Variants in OSBPL1A observed in about 807,000 individuals in gnomAD.
The protein encoded by OSBPL1A is oxysterol-binding protein-related protein 1.
In OSBPL1A, 80 loss-of-function variants were observed where a neutral mutation model predicts 137.1. That is an observed-to-expected ratio of 0.58 (90% confidence interval 0.49 to 0.70). The LOEUF (loss-of-function observed/expected upper bound fraction) is 0.70, where lower values mean the gene tolerates loss of function less well. Among genes scored for constraint, OSBPL1A ranks in the 30% least tolerant of loss-of-function variants. The pLI is 0.00. For missense variants in OSBPL1A, 970 were observed against 1,129.4 expected, an observed-to-expected ratio of 0.86 and a Z score of 2.02; for synonymous variants, 365 against 389.7, an observed-to-expected ratio of 0.94 and a Z score of 0.75.
intron 15 of OSBPL1A, among the ~76,000 whole-genome samples, chr18:24,240,176 G>A (rs1343077864): frequency 6.6e-6 from 1 of 151,874 alleles, no homozygotes; most frequent in Non-Finnish European, 1.5e-5. Context: ...TGCCCGCCTG[G>A]GCCTCCCAAA....
At chr18:24,171,382 A>G in intron 23 of OSBPL1A, 27 bp downstream of exon 23, 1 of 1,529,258 alleles carries the variant, frequency 6.5e-7, no homozygotes, top group African/African-American at 1.4e-5. Flanking sequence ...AATCTATACT[A>G]TTCAACATTT....
intron 16 of OSBPL1A, among the ~76,000 whole-genome samples, chr18:24,238,157 T>C (rs1321996417): frequency 6.6e-6 from 1 of 152,200 alleles, no homozygotes; most frequent in Non-Finnish European, 1.5e-5. Context: ...TTCTCATCTC[T>C]CCTACCTCTC....
intron 7 of OSBPL1A, among the ~76,000 whole-genome samples, chr18:24,326,279 T>C (rs184325641): frequency 1.3e-5 from 2 of 152,310 alleles, no homozygotes; most frequent in Admixed American, 6.5e-5. Flanking sequence ...CCAACTCTAT[T>C]TACAACCTGT....
rs1287853811 is a variant in OSBPL1A, at chr18:24,225,213, G to T, written c.1445-15C>A. 4 of 1,613,704 alleles carry T rather than the reference G, an allele frequency of 2.5e-6. No individual in the cohort carries two copies. Among genetic ancestry groups the T allele is most frequent in the Non-Finnish European group, 8.5e-7 (1 of 1,179,698 alleles). Reference sequence around the variant, plus strand: ...GGACTCGGAATCTGTGGCAGAGCAGGTTCATAGTTAATGAATTGAACTTGG... The same window carrying T: ...GGACTCGGAATCTGTGGCAGAGCAGTTTCATAGTTAATGAATTGAACTTGG... On this transcript the variant is annotated splice_polypyrimidine_tract_variant and intron_variant, in intron 16 of 27. Coordinates refer to ENST00000319481, the MANE Select transcript of OSBPL1A (RefSeq NM_080597.4).
At chr18:24,371,433 C>T (rs1301062113) in intron 2 of OSBPL1A, among the ~76,000 whole-genome samples, 1 of 152,158 alleles carries the variant, frequency 6.6e-6, no homozygotes, top group Non-Finnish European at 1.5e-5. Context: ...TCAACCATCC[C>T]ACCTATATCT....
chr18:24,190,386 C>CCTACCATG (rs1424334574), intron 18 of OSBPL1A, among the ~76,000 whole-genome samples: 1 of 146,088 alleles, frequency 6.8e-6, no homozygotes, highest in Non-Finnish European at 1.5e-5. Flanking sequence ...TACTTAATCT[C>CCTACCATG]CTACCATGCT....
chr18:24,345,365 T>C (rs2091329706), intron 4 of OSBPL1A, among the ~76,000 whole-genome samples: 1 of 152,142 alleles, frequency 6.6e-6, no homozygotes, highest in Non-Finnish European at 1.5e-5. Context: ...AGACTCAGAC[T>C]AGAAAGGGTC....
intron 15 of OSBPL1A, among the ~76,000 whole-genome samples, chr18:24,262,722 T>TCATGTGCCCCTTTCACGGTCACTCTCACC (rs2089470165): frequency 9.4e-6 from 1 of 106,124 alleles, no homozygotes; most frequent in African/African-American, 4.6e-5. Context: ...CCCCAAGTTC[T>TCATGTGCCCCTTTCACGGTCACTCTCACC]CATGTGCCCC....
intron 15 of OSBPL1A, among the ~76,000 whole-genome samples, chr18:24,278,144 A>G (rs2146069983): frequency 6.6e-6 from 1 of 152,328 alleles, no homozygotes; most frequent in South Asian, 2.1e-4. Context: ...AGTGCTTCTA[A>G]AAGCTTGCTA....
chr18:24,227,974 A>G (rs2088141361), intron 16 of OSBPL1A, among the ~76,000 whole-genome samples: 1 of 152,174 alleles, frequency 6.6e-6, no homozygotes, highest in African/African-American at 2.4e-5. Flanking sequence ...GGACTTACCC[A>G]CCTAAAAAGA....
chr18:24,234,518 C>T (rs1275407056), intron 16 of OSBPL1A, among the ~76,000 whole-genome samples: 2 of 148,270 alleles, frequency 1.3e-5, no homozygotes, highest in African/African-American at 2.4e-5. Flanking sequence ...TTTTCTCAAG[C>T]GATCCCAGGG....
At position 24,397,673 on chromosome 18, in the gene OSBPL1A, T is replaced by G. The variant is rs1907858474; in HGVS notation, c.-21A>C. On this transcript the variant is annotated 5_prime_UTR_variant, in exon 1 of 28. Transcript: ENST00000319481. Reference sequence around the variant, plus strand: ...AACTGACCTACGCGGTCACCCGGGCTCCCAGAGCTCCCGAGGCGGTGGCCA... The same window carrying G: ...AACTGACCTACGCGGTCACCCGGGCGCCCAGAGCTCCCGAGGCGGTGGCCA... 6.6e-6 allele frequency: 1 copy of G among 152,052 alleles called. No individual in the cohort carries two copies. The highest frequency in any genetic ancestry group is 2.1e-4 in the South Asian group (1 of 4,826). The allele number at this position is 152,052 out of a possible 1,614,324, so 9.4% of individuals were successfully genotyped here.
intron 14 of OSBPL1A, among the ~76,000 whole-genome samples, chr18:24,296,251 A>T (rs1025435590): frequency 6.6e-6 from 1 of 151,814 alleles, no homozygotes; most frequent in African/African-American, 2.4e-5. Context: ...TACATATTTT[A>T]TTTTTTTGCA....
At position 24,179,854 on chromosome 18, in the gene OSBPL1A, G is replaced by A. The variant is rs2086553089; in HGVS notation, c.1813-19C>T. 1 of 1,604,758 alleles carries A rather than the reference G, an allele frequency of 6.2e-7. No homozygotes were observed. Among genetic ancestry groups the A allele is most frequent in the Non-Finnish European group, 8.5e-7 (1 of 1,171,664 alleles). On this transcript the variant is annotated intron_variant, in intron 19 of 27. Transcript: ENST00000319481. ...CTACACACTGTGGGACAGAGCATGA[G>A]AACAAGTCAAAAATAGCCGAGCTCG...
Position 24,366,975 on chromosome 18 carries a change from C to A in OSBPL1A, c.208-9G>T. ...TTCACTTCTGCACCAGCCTAGTAAA[C>A]ATGACCACTTTAAATACCAAGAAAT... is the stretch of plus-strand genomic sequence containing the variant. On this transcript the variant is annotated splice_polypyrimidine_tract_variant and intron_variant, in intron 3 of 27. Coordinates refer to ENST00000319481, the MANE Select transcript of OSBPL1A (RefSeq NM_080597.4). 1 of 1,600,862 alleles carries A rather than the reference C, an allele frequency of 6.2e-7. No individual in the cohort carries two copies. The highest frequency in any genetic ancestry group is 8.5e-7 in the Non-Finnish European group (1 of 1,173,718).
intron 7 of OSBPL1A, among the ~76,000 whole-genome samples, chr18:24,330,292 G>A (rs2091053022): frequency 6.6e-6 from 1 of 151,964 alleles, no homozygotes. Context: ...ACCTGACTTG[G>A]ATTTTTCACC....
rs376849274 is a variant in OSBPL1A at position 24,377,494 on chromosome 18, T to C, written c.40A>G (p.Arg14Gly). 3 of 1,611,746 alleles carry C rather than the reference T, an allele frequency of 1.9e-6. No homozygotes were observed. Among genetic ancestry groups the C allele is most frequent in the South Asian group, 1.1e-5 (1 of 90,200 alleles). The change falls in exon 2 of 28, where the codon AGA (arginine) becomes GGA (glycine). Residue 14 changes from arginine (R) to glycine (G), a missense_variant. By Grantham distance (125) the Arg-to-Gly change is moderately radical. Around this residue, in one of 2 missense-constraint regions of OSBPL1A, gnomAD observed 647 missense variants for 672.6 expected, o/e 0.96. Transcript: ENST00000319481. ...EAEQQLLHHARNGNAEEVRQL... is the reference protein window; with the variant it reads ...EAEQQLLHHAGNGNAEEVRQL... ...CTTACTTCTTCAGCATTGCCATTTC[T>C]GGCGTGATGGAGAAGCTGTTGCTCC...
At chr18:24,303,292 C>T (rs1032440746) in intron 14 of OSBPL1A, among the ~76,000 whole-genome samples, 1 of 152,168 alleles carries the variant, frequency 6.6e-6, no homozygotes, top group East Asian at 1.9e-4. Context: ...TGAGCCACTG[C>T]GCCAGGCCTC....
At chr18:24,219,340 G>A (rs1477197968) in intron 17 of OSBPL1A, among the ~76,000 whole-genome samples, 1 of 152,138 alleles carries the variant, frequency 6.6e-6, no homozygotes, top group Non-Finnish European at 1.5e-5. Context: ...GTTTATAGAT[G>A]AAACCAAGTT....
Sources: allele counts gnomAD v4.1 joint callset (sites outside exome capture counted in the v4.1 genomes callset), GRCh38; gene constraint gnomAD v4.1.1; regional missense constraint gnomAD v4.1.1; transcripts MANE v1.5; gene names NCBI Gene and HGNC (gene_info 2026-07-23, HGNC 2026-07-21).